The following DEFB107B variants were observed in gnomAD, a reference collection of about 807,000 sequenced individuals.
DEFB107B encodes defensin beta 107B, also known as beta-defensin 107.
chr8:7,496,435 G>C (rs1342423626), intron 1 of DEFB107B, among the ~76,000 whole-genome samples: 1 of 149,074 alleles, frequency 6.7e-6, no homozygotes. Context: ...GAGTAGCTGG[G>C]ACTACACGCA....
At chr8:7,508,211 A>G (rs1368613692) in intron 1 of DEFB107B, among the ~76,000 whole-genome samples, 1 of 141,534 alleles carries the variant, frequency 7.1e-6, no homozygotes, top group Admixed American at 7.0e-5. Context: ...TTTCTCCTTA[A>G]TTTGAGCAGA....
At chr8:7,508,336 C>G (rs1811997366) in intron 1 of DEFB107B, among the ~76,000 whole-genome samples, 1 of 133,804 alleles carries the variant, frequency 7.5e-6, no homozygotes, top group Admixed American at 7.4e-5. Flanking sequence ...ACTGTTTCTC[C>G]CCCAAAGTTG....
intron 1 of DEFB107B, among the ~76,000 whole-genome samples, chr8:7,497,587 G>C (rs1255176492): frequency 5.3e-5 from 8 of 152,124 alleles, no homozygotes; most frequent in Non-Finnish European, 8.8e-5. Flanking sequence ...TGTAAAATCA[G>C]TTCCCGATTT....
Position 7,506,401 on chromosome 8 carries a change from C to T in DEFB107B, c.71-2680C>T, listed in dbSNP as rs1811943250. The stretch of plus-strand genomic sequence containing the variant: ...GATGTAGGGGTGGGTTGCCCCTACA[C>T]ACCTGTGGGTGTTTCTTGTAAGGTG... On this transcript the variant is annotated intron_variant, in intron 1 of 1. Coordinates refer to ENST00000355602, the MANE Select transcript of DEFB107B (RefSeq NM_001040705.2). Among the ~76,000 whole-genome samples the T allele has an allele frequency of 1.3e-4, 2 of 15,792 alleles. 1 individual carries two copies. The highest frequency in any genetic ancestry group is 3.1e-4 in the African/African-American group (2 of 6,418). The allele number at this position is 15,792 out of a possible 152,430, so 10.4% of individuals were successfully genotyped here. A position where few individuals can be genotyped will look rare whatever the true frequency, so the allele number is the denominator to read the frequency against.
intron 1 of DEFB107B, among the ~76,000 whole-genome samples, chr8:7,496,399 A>C (rs1237800197): frequency 8.2e-6 from 1 of 121,836 alleles, no homozygotes; most frequent in Non-Finnish European, 1.6e-5. Context: ...TCCCAGGTTC[A>C]TGCCATTCTC....
At chr8:7,496,673 G>A (rs1159686988) in intron 1 of DEFB107B, among the ~76,000 whole-genome samples, 3 of 123,818 alleles carry the variant, frequency 2.4e-5, no homozygotes, top group African/African-American at 9.3e-5. Context: ...CCAAGGAAAT[G>A]CCAAACATAT....
At chr8:7,497,442 T>G (rs1477858162) in intron 1 of DEFB107B, among the ~76,000 whole-genome samples, 1 of 151,588 alleles carries the variant, frequency 6.6e-6, no homozygotes, top group Admixed American at 6.6e-5. Flanking sequence ...TGGTTCTAAC[T>G]AGGAAATGCA....
chr8:7,496,440 C>T (rs1811740732), intron 1 of DEFB107B, among the ~76,000 whole-genome samples: 1 of 149,760 alleles, frequency 6.7e-6, no homozygotes, highest in South Asian at 2.1e-4. Flanking sequence ...GCTGGGACTA[C>T]ACGCACCCGC....
chr8:7,496,780 G>C (rs1216365065), intron 1 of DEFB107B, among the ~76,000 whole-genome samples: 1 of 121,956 alleles, frequency 8.2e-6, no homozygotes, highest in Non-Finnish European at 1.7e-5. Flanking sequence ...TGTCTGAGTC[G>C]TCGGTCCAAA....
rs1369873516 is a variant in DEFB107B at position 7,508,081 on chromosome 8, ATATGTG to A, written c.71-998_71-993del. 1.2e-4 allele frequency among the ~76,000 whole-genome samples: 5 copies of A among 42,972 alleles called. 1 individual carries two copies. The highest frequency in any genetic ancestry group is 3.0e-4 in the African/African-American group (4 of 13,464). The allele number at this position is 42,972 out of a possible 152,430, so 28.2% of individuals were successfully genotyped here. On this transcript the variant is annotated intron_variant, in intron 1 of 1. Transcript: ENST00000355602. The stretch of plus-strand genomic sequence containing the variant: ...ACCCTATACATGTATATATATATAT[ATATGTG>A]TGTGTGTGTGTATGTGTGTGCGTGT...
At chr8:7,497,195 G>A (rs1811786989) in intron 1 of DEFB107B, among the ~76,000 whole-genome samples, 1 of 150,634 alleles carries the variant, frequency 6.6e-6, no homozygotes, top group Admixed American at 6.6e-5. Context: ...AAACGAAGAG[G>A]TAAAAATATA....
intron 1 of DEFB107B, among the ~76,000 whole-genome samples, chr8:7,496,285 A>G (rs1585539609): frequency 9.8e-6 from 1 of 102,498 alleles, no homozygotes; most frequent in South Asian, 3.2e-4. Flanking sequence ...CAGGTTCAGC[A>G]TATTCTTTTT....
At chr8:7,496,582 G>C (rs1315101629) in intron 1 of DEFB107B, among the ~76,000 whole-genome samples, 1 of 147,792 alleles carries the variant, frequency 6.8e-6, no homozygotes, top group African/African-American at 2.5e-5. Flanking sequence ...TTACAGGCAT[G>C]AGCCACCGCG....
intron 1 of DEFB107B, among the ~76,000 whole-genome samples, chr8:7,496,466 AT>A (rs1363696156): frequency 7.2e-5 from 11 of 151,770 alleles, no homozygotes; most frequent in South Asian, 2.1e-4. Flanking sequence ...CGCCTGGCTA[AT>A]TTTTTTGTAT....
At chr8:7,507,975 AT>A (rs1312819998) in intron 1 of DEFB107B, among the ~76,000 whole-genome samples, 1 of 141,260 alleles carries the variant, frequency 7.1e-6, no homozygotes, top group Non-Finnish European at 1.5e-5. Context: ...CACATACTCT[AT>A]GCTATGTTAG....
intron 1 of DEFB107B, among the ~76,000 whole-genome samples, chr8:7,497,521 A>AT (rs1225531300): frequency 6.6e-6 from 1 of 152,074 alleles, no homozygotes; most frequent in African/African-American, 2.4e-5. Context: ...ACTAAAGAAC[A>AT]GAGCCAGGGA....
intron 1 of DEFB107B, among the ~76,000 whole-genome samples, chr8:7,496,629 G>GAA (rs71271687): frequency 1.9e-5 from 1 of 52,620 alleles, no homozygotes; most frequent in African/African-American, 7.1e-5. Flanking sequence ...TCTTTAAAAT[G>GAA]AAAAAAAAAA....
intron 1 of DEFB107B, among the ~76,000 whole-genome samples, chr8:7,496,424 C>G (rs1400512176): frequency 1.4e-5 from 2 of 147,472 alleles, no homozygotes; most frequent in African/African-American, 5.0e-5. Context: ...CTCAGCCTCC[C>G]GAGTAGCTGG....
chr8:7,497,536 T>G (rs1428156080), intron 1 of DEFB107B, among the ~76,000 whole-genome samples: 1 of 152,104 alleles, frequency 6.6e-6, no homozygotes, highest in South Asian at 2.1e-4. Context: ...CAGGGAACAA[T>G]GTCCCCATGA....
Sources: allele counts gnomAD v4.1 joint callset (sites outside exome capture counted in the v4.1 genomes callset), GRCh38; gene constraint gnomAD v4.1.1; transcripts MANE v1.5; gene names NCBI Gene and HGNC (gene_info 2026-07-23, HGNC 2026-07-21).